Variants in FRMD4B observed in about 807,000 individuals in gnomAD.
FRMD4B encodes the protein FERM domain-containing protein 4B.
A neutral mutation model predicts 141.5 loss-of-function variants in FRMD4B; 74 were observed. The observed-to-expected ratio is 0.52, with a 90% CI of 0.43 to 0.63. The LOEUF (loss-of-function observed/expected upper bound fraction) is 0.63, where lower values mean the gene tolerates loss of function less well. Ranked by LOEUF, FRMD4B falls within the 30% of genes least tolerant of loss-of-function variation. FRMD4B has a pLI of 0.00. For synonymous variants in FRMD4B, 506 were observed against 467.9 expected (o/e 1.08, Z -1.05); for missense variants, 1,366 against 1,253.4 (o/e 1.09, Z -1.36).
At chr3:69,511,852 G>A (rs938538893) in intron 1 of FRMD4B, among the ~76,000 whole-genome samples, 5 of 152,174 alleles carry the variant, frequency 3.3e-5, no homozygotes, top group African/African-American at 2.4e-5. Context: ...GTTTTCCCTC[G>A]TATGTCCCTT....
intron 1 of FRMD4B, among the ~76,000 whole-genome samples, chr3:69,436,354 T>C (rs886531472): frequency 6.6e-5 from 10 of 152,144 alleles, no homozygotes; most frequent in African/African-American, 2.2e-4. Context: ...TTCTTAACAC[T>C]GATAATAAAA....
intron 11 of FRMD4B, among the ~76,000 whole-genome samples, chr3:69,214,236 G>GT (rs1371078794): frequency 6.6e-6 from 1 of 152,206 alleles, no homozygotes; most frequent in Non-Finnish European, 1.5e-5. Context: ...TTATAGGGCT[G>GT]TTTTATAAAG....
intron 1 of FRMD4B, among the ~76,000 whole-genome samples, chr3:69,485,684 G>C (rs1181770932): frequency 6.6e-6 from 1 of 152,204 alleles, no homozygotes; most frequent in Non-Finnish European, 1.5e-5. Flanking sequence ...CCAGGTCCTT[G>C]CTGGGCCTGG....
At chr3:69,225,676 C>A (rs1575629802) in intron 7 of FRMD4B, among the ~76,000 whole-genome samples, 1 of 102,462 alleles carries the variant, frequency 9.8e-6, no homozygotes, top group African/African-American at 4.0e-5. Context: ...GCCTTGGCGA[C>A]AGAGCAAGAC....
At chr3:69,202,061 G>A (rs748898394) in intron 11 of FRMD4B, among the ~76,000 whole-genome samples, 12 of 152,072 alleles carry the variant, frequency 7.9e-5, no homozygotes, top group East Asian at 3.9e-4. Flanking sequence ...AAACTTAGCC[G>A]GGTATGGTGC....
chr3:69,287,963 G>A lies in FRMD4B; in HGVS notation c.417-127C>T, dbSNP rs1206181246. 1.0e-5 allele frequency: 6 copies of A among 585,906 alleles called. No individual in the cohort carries two copies. The East Asian group carries it at 1.1e-4, about 11-fold the overall frequency. The allele number at this position is 585,906 out of a possible 1,614,324, so 36.3% of individuals were successfully genotyped here. On this transcript the variant is annotated intron_variant, in intron 4 of 22. Transcript: ENST00000398540. ...TGAGGAAGGTTGTGCTTTCTTTTCC[G>A]TTTTAAAAGAAATATGCACCGCACG...
At chr3:69,295,860 A>G (rs1291728858) in intron 4 of FRMD4B, among the ~76,000 whole-genome samples, 3 of 151,946 alleles carry the variant, frequency 2.0e-5, no homozygotes, top group Non-Finnish European at 4.4e-5. Flanking sequence ...TCTGTTGCCC[A>G]GGCTGCAGTG....
intron 7 of FRMD4B, among the ~76,000 whole-genome samples, chr3:69,235,223 A>G (rs2093337902): frequency 6.6e-6 from 1 of 150,776 alleles, no homozygotes; most frequent in African/African-American, 2.4e-5. Flanking sequence ...AACTGTAATC[A>G]ACTCCTTAAA....
At chr3:69,224,726 G>T in intron 7 of FRMD4B, 36 bp from the exon 8 acceptor site, 1 of 1,013,786 alleles carries the variant, frequency 9.9e-7, no homozygotes, top group Non-Finnish European at 1.5e-6. Context: ...GTCAGGTACT[G>T]TTATCCAAAA....
chr3:69,427,643 G>GTTTTTTTTTTTTTTTTTTTTTTTTTTT lies in FRMD4B; in HGVS notation c.-1+4964_-1+4990dup, dbSNP rs774316609. 1.4e-4 allele frequency among the ~76,000 whole-genome samples: 5 copies of GTTTTTTTTTTTTTTTTTTTTTTTTTTT among 36,238 alleles called. 2 individuals are homozygous for GTTTTTTTTTTTTTTTTTTTTTTTTTTT. The highest frequency in any genetic ancestry group is 2.6e-4 in the Non-Finnish European group (5 of 19,572). The allele number at this position is 36,238 out of a possible 152,430, so 23.8% of individuals were successfully genotyped here. A position where few individuals can be genotyped will look rare whatever the true frequency, so the allele number is the denominator to read the frequency against. On this transcript the variant is annotated intron_variant, in intron 2 of 5. Transcript: ENST00000459638. ...GTGTTTAGTAAGAAGCTAGGTAAAT[G>GTTTTTTTTTTTTTTTTTTTTTTTTTTT]TTTTTTTTTTTTTTTTTTTTTTTTT... is the stretch of plus-strand genomic sequence containing the variant.
At chr3:69,351,807 A>G (rs1189870944) in intron 1 of FRMD4B, among the ~76,000 whole-genome samples, 1 of 152,216 alleles carries the variant, frequency 6.6e-6, no homozygotes, top group East Asian at 1.9e-4. Context: ...CTGGATTTTA[A>G]TCTCTTCAGT....
intron 7 of FRMD4B, chr3:69,228,554 G>T (rs887034528): frequency 2.3e-6 from 1 of 433,856 alleles, no homozygotes; most frequent in East Asian, 7.1e-5. Flanking sequence ...GTCAGAGCTC[G>T]CTGGGCATGG....
At chr3:69,200,472 G>T (rs1017145410) in intron 11 of FRMD4B, 10 of 990,800 alleles carry the variant, frequency 1.0e-5, no homozygotes, top group Non-Finnish European at 1.2e-5. Flanking sequence ...GGGTTCTTCC[G>T]CCCTCCCCCC....
chr3:69,264,711 G>A (rs2093549585), intron 5 of FRMD4B, among the ~76,000 whole-genome samples: 2 of 152,104 alleles, frequency 1.3e-5, no homozygotes, highest in South Asian at 4.1e-4. Context: ...AATACTTCAT[G>A]GAGTTTTGAG....
chr3:69,440,274 C>T (rs752089739), intron 1 of FRMD4B, among the ~76,000 whole-genome samples: 16 of 152,128 alleles, frequency 1.1e-4, no homozygotes, highest in Non-Finnish European at 1.9e-4. Flanking sequence ...TTCTTACAGG[C>T]TATCAGTTGT....
chr3:69,476,062 C>G (rs555596996), intron 1 of FRMD4B, among the ~76,000 whole-genome samples: 2 of 150,390 alleles, frequency 1.3e-5, no homozygotes, highest in African/African-American at 4.9e-5. Context: ...TTGTTTTTTT[C>G]TTGTAAATTT....
chr3:69,377,699 C>T (rs147318913), intron 1 of FRMD4B, among the ~76,000 whole-genome samples: 86 of 152,276 alleles, frequency 5.6e-4, no homozygotes, highest in African/African-American at 2.0e-3. Context: ...CTACCCCTCT[C>T]GTAACAACCT....
chr3:69,316,082 C>T (rs1701795807), intron 1 of FRMD4B, among the ~76,000 whole-genome samples: 1 of 152,140 alleles, frequency 6.6e-6, no homozygotes, highest in African/African-American at 2.4e-5. Flanking sequence ...GTGAAAAATA[C>T]TAATTATTGA....
At chr3:69,345,523 G>A (rs1000732382) in intron 1 of FRMD4B, among the ~76,000 whole-genome samples, 59 of 152,296 alleles carry the variant, frequency 3.9e-4, no homozygotes, top group African/African-American at 1.3e-3. Flanking sequence ...ATCTGAGAAC[G>A]GACAGACTGC....
Sources: allele counts gnomAD v4.1 joint callset (sites outside exome capture counted in the v4.1 genomes callset), GRCh38; gene constraint gnomAD v4.1.1; transcripts MANE v1.5; gene names NCBI Gene and HGNC (gene_info 2026-07-23, HGNC 2026-07-21).